Variants in IQCH observed in about 807,000 individuals in gnomAD.
IQCH encodes the protein IQ domain-containing protein H.
IQCH carries 98 observed loss-of-function variants against 117.0 expected under a neutral mutation model. That is an observed-to-expected ratio of 0.84 (90% CI 0.71 to 0.99). The LOEUF (loss-of-function observed/expected upper bound fraction) is 0.99. Ranked by LOEUF, IQCH falls within the 50% of genes least tolerant of loss-of-function variation. The pLI is 0.00. For missense variants in IQCH, 1,102 were observed against 1,243.8 expected, an observed-to-expected ratio of 0.89 and a Z score of 1.72; for synonymous variants, 412 against 448.2, an observed-to-expected ratio of 0.92 and a Z score of 1.02.
rs142586310 is a variant in IQCH, at chr15:67,317,004, G to A, written c.388-19971G>A. ...ATCAGAGTATTTAATAAAAGGCTGT[G>A]TTAACTCAAGGACTAGAACAAGAAG... On this transcript the variant is annotated intron_variant, in intron 4 of 20. Coordinates refer to ENST00000335894, the MANE Select transcript of IQCH (RefSeq NM_001031715.3). Among the ~76,000 whole-genome samples the A allele has an allele frequency of 2.2e-4, 33 of 152,252 alleles. No homozygotes were observed. In the East Asian group the frequency reaches 3.5e-3, roughly 16 times the overall value.
At chr15:67,446,436 G>C (rs552757896) in intron 16 of IQCH, among the ~76,000 whole-genome samples, 6 of 152,298 alleles carry the variant, frequency 3.9e-5, no homozygotes, top group African/African-American at 1.4e-4. Context: ...AGGGGGAAAA[G>C]AGGAAGAGAG....
At position 67,301,302 on chromosome 15, in the gene IQCH, T is replaced by C. The variant is rs529777760; in HGVS notation, c.387+21790T>C. Among the ~76,000 whole-genome samples the C allele has an allele frequency of 2.6e-5, 4 of 152,098 alleles. No homozygotes were observed. In the South Asian group the frequency reaches 8.3e-4, roughly 32 times the overall value. On this transcript the variant is annotated intron_variant, in intron 4 of 20. Coordinates refer to ENST00000335894, the MANE Select transcript of IQCH (RefSeq NM_001031715.3). ...GAGTCTCATAATACAGCTATGCTTA[T>C]AAGTATTTTCCCATACATCACTATA...
At chr15:67,489,624 AT>A (rs2083594173) in intron 18 of IQCH, among the ~76,000 whole-genome samples, 1 of 151,704 alleles carries the variant, frequency 6.6e-6, no homozygotes, top group African/African-American at 2.4e-5. Context: ...CCTCCCCTAT[AT>A]TTTTTTAACC....
In IQCH at chr15:67,481,568, T is replaced by C. The variant is rs1421151529; in HGVS notation, c.2799+5750T>C. ...ACACAGCCAAACCATATCAAGTACATATTTGCATTCAGAGAGACTCTCTCA... is the reference window on the plus strand; with the variant it reads ...ACACAGCCAAACCATATCAAGTACACATTTGCATTCAGAGAGACTCTCTCA... On this transcript the variant is annotated intron_variant, in intron 18 of 20. Transcript: ENST00000335894. The surrounding 1 kb of genome is among the most constrained non-coding windows in gnomAD (Gnocchi z 4.1). Among the ~76,000 whole-genome samples the C allele has an allele frequency of 6.6e-6, 1 of 152,066 alleles. No homozygotes were observed. The highest frequency in any genetic ancestry group is 2.4e-5 in the African/African-American group (1 of 41,396).
At position 67,337,121 on chromosome 15, in the gene IQCH, G is replaced by A. The variant is rs200849507; in HGVS notation, c.508+26G>A. 92 of 1,611,468 alleles carry A rather than the reference G, an allele frequency of 5.7e-5. No homozygotes were observed. In the East Asian group the frequency reaches 6.2e-4, roughly 11 times the overall value. On this transcript the variant is annotated intron_variant, in intron 5 of 20. Coordinates refer to ENST00000335894, the MANE Select transcript of IQCH (RefSeq NM_001031715.3). ...GTTAGTGATTCAATAGCCATTTTACGTGTTTAGGAACGGAAAAGAAAGAGC... is the reference window on the plus strand; with the variant it reads ...GTTAGTGATTCAATAGCCATTTTACATGTTTAGGAACGGAAAAGAAAGAGC...
In IQCH at chr15:67,481,610, AC is replaced by A. The variant is rs1397558380; in HGVS notation, c.2799+5793del. ...ACTCTCTCAGGAAAAAGAGAACAGAACAAAAGGGTAAAAAGAAAAAGGGTAT... is the reference window on the plus strand; with the variant it reads ...ACTCTCTCAGGAAAAAGAGAACAGAAAAAAGGGTAAAAAGAAAAAGGGTAT... On this transcript the variant is annotated intron_variant, in intron 18 of 20. Coordinates refer to ENST00000335894, the MANE Select transcript of IQCH (RefSeq NM_001031715.3). This position sits in a 1 kb window ranked among gnomAD's most constrained non-coding sequence, Gnocchi z 4.1. 2.0e-5 allele frequency among the ~76,000 whole-genome samples: 3 copies of A among 152,196 alleles called. No individual in the cohort carries two copies. Among genetic ancestry groups the A allele is most frequent in the African/African-American group, 7.2e-5 (3 of 41,446 alleles).
intron 1 of IQCH, among the ~76,000 whole-genome samples, chr15:67,257,041 C>G (rs896654212): frequency 6.6e-6 from 1 of 152,136 alleles, no homozygotes; most frequent in Admixed American, 6.5e-5. Flanking sequence ...TGATTTATTT[C>G]CCTCAGACAG....
intron 18 of IQCH, among the ~76,000 whole-genome samples, chr15:67,477,720 ATTTAT>A (rs1016957048): frequency 2.6e-5 from 4 of 152,190 alleles, no homozygotes; most frequent in African/African-American, 4.8e-5. Context: ...ATCTGAATTT[ATTTAT>A]TTTATTTTAT....
intron 4 of IQCH, among the ~76,000 whole-genome samples, chr15:67,309,337 A>G (rs751742503): frequency 1.3e-5 from 2 of 152,074 alleles, no homozygotes; most frequent in Non-Finnish European, 2.9e-5. Context: ...TCCTCCAGGG[A>G]TGCTATTTAA....
At position 67,496,512 on chromosome 15, in the gene IQCH, T is replaced by C. The variant is rs1405349934; in HGVS notation, c.2970+2146T>C. The stretch of plus-strand genomic sequence containing the variant: ...CTGCTCTTGCCACCTCTATTCATCA[T>C]TGTACTGGAGTTCTGGACAGAGAAA... On this transcript the variant is annotated intron_variant, in intron 20 of 20. Transcript: ENST00000335894. This position sits in a 1 kb window ranked among gnomAD's most constrained non-coding sequence, Gnocchi z 4.4. Among the ~76,000 whole-genome samples, 7 of 152,072 alleles carry C rather than the reference T, an allele frequency of 4.6e-5. No individual in the cohort carries two copies. Among genetic ancestry groups the C allele is most frequent in the Admixed American group, 3.9e-4 (6 of 15,258 alleles).
At position 67,465,327 on chromosome 15, in the gene IQCH, C is replaced by T. The variant is rs949367142; in HGVS notation, c.2676+30C>T. Reference sequence around the variant, plus strand: ...GCAAGAGGTGCTTCCTGAAGGTTCTCGGTGTTCAGCAACACCCACTGCCAC... The same window carrying T: ...GCAAGAGGTGCTTCCTGAAGGTTCTTGGTGTTCAGCAACACCCACTGCCAC... On this transcript the variant is annotated intron_variant, in intron 17 of 20. Coordinates refer to ENST00000335894, the MANE Select transcript of IQCH (RefSeq NM_001031715.3). The surrounding 1 kb of genome is among the most constrained non-coding windows in gnomAD (Gnocchi z 5.9). 1.2e-5 allele frequency: 19 copies of T among 1,602,678 alleles called. No individual in the cohort carries two copies. The highest frequency in any genetic ancestry group is 2.2e-5 in the East Asian group (1 of 44,858).
chr15:67,298,452 C>CT (rs1307514293), intron 4 of IQCH, among the ~76,000 whole-genome samples: 1 of 152,054 alleles, frequency 6.6e-6, no homozygotes, highest in Non-Finnish European at 1.5e-5. Context: ...TGACTTTTAT[C>CT]TAAAGACAGG....
At chr15:67,399,235 T>G (rs536312086) in intron 13 of IQCH, among the ~76,000 whole-genome samples, 1 of 152,190 alleles carries the variant, frequency 6.6e-6, no homozygotes, top group Non-Finnish European at 1.5e-5. Flanking sequence ...TTATTTAAAT[T>G]AGCAGAACCT....
At chr15:67,294,350 C>G in intron 4 of IQCH, among the ~76,000 whole-genome samples, 1 of 152,122 alleles carries the variant, frequency 6.6e-6, no homozygotes, top group East Asian at 1.9e-4. Flanking sequence ...GCCTATATTA[C>G]TAACAACTGA....
intron 16 of IQCH, among the ~76,000 whole-genome samples, chr15:67,446,747 AC>A (rs1251389233): frequency 6.6e-6 from 1 of 152,190 alleles, no homozygotes; most frequent in African/African-American, 2.4e-5. Context: ...ACAGGTGGGA[AC>A]CTTGCCTTTT....
Position 67,443,631 on chromosome 15 carries a change from CCT to C in IQCH, c.2506-21495_2506-21494del, listed in dbSNP as rs1447158680. On this transcript the variant is annotated intron_variant, in intron 16 of 20. Transcript: ENST00000335894. The surrounding 1 kb of genome is among the most constrained non-coding windows in gnomAD (Gnocchi z 5.0). ...CTACCTCCCACATATTACCTTCAGT[CCT>C]ACAATTTGCTTTTCCTTTTTTCTCT... Among the ~76,000 whole-genome samples, 5 of 152,270 alleles carry C rather than the reference CCT, an allele frequency of 3.3e-5. No homozygotes were observed. The highest frequency in any genetic ancestry group is 2.0e-4 in the Admixed American group (3 of 15,302).
intron 9 of IQCH, among the ~76,000 whole-genome samples, chr15:67,373,109 C>T (rs1970609627): frequency 6.6e-6 from 1 of 152,154 alleles, no homozygotes; most frequent in Admixed American, 6.6e-5. Context: ...TTAGTGCTCA[C>T]AATTTCATTT....
rs1567122400 is a variant in IQCH, at chr15:67,356,087, T to C, written c.638-1258T>C. 6.6e-6 allele frequency among the ~76,000 whole-genome samples: 1 copy of C among 152,218 alleles called. No individual in the cohort carries two copies. The highest frequency in any genetic ancestry group is 1.5e-5 in the Non-Finnish European group (1 of 67,990). ...GTACTGAGTCTGCAGACAATAGGAA[T>C]AACAAATTTTACTGGTGAATCTGTG... On this transcript the variant is annotated intron_variant, in intron 6 of 20. Coordinates refer to ENST00000335894, the MANE Select transcript of IQCH (RefSeq NM_001031715.3). This position sits in a 1 kb window ranked among gnomAD's most constrained non-coding sequence, Gnocchi z 5.3.
chr15:67,449,156 T>G (rs1323729796), intron 16 of IQCH, among the ~76,000 whole-genome samples: 2 of 152,072 alleles, frequency 1.3e-5, no homozygotes, highest in African/African-American at 4.8e-5. Context: ...TGCAAAAATT[T>G]TCTCCCATTC....
Sources: allele counts gnomAD v4.1 joint callset (sites outside exome capture counted in the v4.1 genomes callset), GRCh38; gene constraint gnomAD v4.1.1; non-coding constraint Gnocchi (gnomAD v3.1); transcripts MANE v1.5; gene names NCBI Gene and HGNC (gene_info 2026-07-23, HGNC 2026-07-21).